The following RCAN2 variants were observed in gnomAD, a reference collection of about 807,000 sequenced individuals.
The protein encoded by RCAN2 is regulator of calcineurin 2, also known as calcipressin-2.
Under a neutral mutation model 23.6 loss-of-function variants are expected in RCAN2, and 9 were observed. The observed-to-expected ratio is 0.38, with a 90% CI of 0.23 to 0.67. RCAN2 has a LOEUF of 0.67. RCAN2 is among the 30% of genes least tolerant of loss of function. The probability of loss-of-function intolerance (pLI) is 0.51; values close to 1 mark genes in which losing one functional copy is unlikely to be tolerated. For synonymous variants in RCAN2, 109 were observed against 115.7 expected (o/e 0.94, Z 0.37); for missense variants, 273 against 302.3 (o/e 0.90, Z 0.72).
chr6:46,441,820 G>A (rs986506747), intron 2 of RCAN2, among the ~76,000 whole-genome samples: 17 of 152,126 alleles, frequency 1.1e-4, no homozygotes, highest in African/African-American at 3.6e-4. Flanking sequence ...GGGGCATATG[G>A]TTGAACACCA....
chr6:46,481,100 G>A (rs1483208264), intron 1 of RCAN2, among the ~76,000 whole-genome samples: 1 of 152,198 alleles, frequency 6.6e-6, no homozygotes, highest in Non-Finnish European at 1.5e-5. Flanking sequence ...GAGTGTAGCA[G>A]GGGCCATGGC....
In RCAN2 at chr6:46,359,798, T is replaced by C. The variant is rs369587623; in HGVS notation, c.225+96954A>G. On this transcript the variant is annotated intron_variant, in intron 2 of 4. Transcript: ENST00000371374. ...CAATGAATATATCCTGTTTGTGTGATCATATCTCGTTTAATTTTCACCAAA... is the reference window on the plus strand; with the variant it reads ...CAATGAATATATCCTGTTTGTGTGACCATATCTCGTTTAATTTTCACCAAA... 7.2e-5 allele frequency among the ~76,000 whole-genome samples: 11 copies of C among 152,270 alleles called. No homozygotes were observed. In the East Asian group the frequency reaches 1.4e-3, roughly 19 times the overall value.
At chr6:46,358,661 G>A (rs1561873540) in intron 2 of RCAN2, among the ~76,000 whole-genome samples, 1 of 152,186 alleles carries the variant, frequency 6.6e-6, no homozygotes, top group Non-Finnish European at 1.5e-5. Flanking sequence ...GGCCCCATGA[G>A]ATTTAGTTTC....
At chr6:46,341,737 G>A (rs572340671) in intron 2 of RCAN2, among the ~76,000 whole-genome samples, 124 of 152,348 alleles carry the variant, frequency 8.1e-4, no homozygotes, top group African/African-American at 2.0e-3. Context: ...GGTGGAGGTT[G>A]CAGTGAGCTG....
Position 46,450,997 on chromosome 6 carries a change from G to A in RCAN2, c.225+5755C>T, listed in dbSNP as rs541390393. Among the ~76,000 whole-genome samples the A allele has an allele frequency of 3.6e-4, 54 of 151,976 alleles. No individual in the cohort carries two copies. The Middle Eastern group carries it at 0.01, about 29-fold the overall frequency. ...GCTCAAATTAGTCATTACATAATGC[G>A]TACATATTTCAATACATCATATTGT... On this transcript the variant is annotated intron_variant, in intron 2 of 4. Coordinates refer to ENST00000371374, the MANE Select transcript of RCAN2 (RefSeq NM_001251974.2).
intron 2 of RCAN2, among the ~76,000 whole-genome samples, chr6:46,345,346 A>G (rs1040261086): frequency 3.3e-5 from 5 of 152,146 alleles, no homozygotes; most frequent in African/African-American, 1.2e-4. Flanking sequence ...GAAAAAAAAT[A>G]AAAATCAGAA....
At chr6:46,281,902 T>C (rs1762193355) in intron 2 of RCAN2, among the ~76,000 whole-genome samples, 1 of 152,160 alleles carries the variant, frequency 6.6e-6, no homozygotes, top group African/African-American at 2.4e-5. Flanking sequence ...ACACAGTTAA[T>C]AAGTAGCAGT....
intron 2 of RCAN2, among the ~76,000 whole-genome samples, chr6:46,289,207 G>A (rs879889408): frequency 6.6e-6 from 1 of 152,134 alleles, no homozygotes; most frequent in Non-Finnish European, 1.5e-5. Flanking sequence ...TTCATCACTT[G>A]TCTAGTGGAG....
intron 2 of RCAN2, among the ~76,000 whole-genome samples, chr6:46,335,603 A>G (rs11758843): frequency 0.42 from 64,348 of 152,028 alleles, 15,021 homozygotes; most frequent in East Asian, 0.6. Context: ...GGCAGGCATC[A>G]TCCTAAACCT....
intron 2 of RCAN2, among the ~76,000 whole-genome samples, chr6:46,407,890 AT>A (rs1035704408): frequency 1.3e-5 from 2 of 152,224 alleles, no homozygotes; most frequent in African/African-American, 4.8e-5. Flanking sequence ...CTACGTAAAA[AT>A]TAAAAACTTG....
intron 2 of RCAN2, among the ~76,000 whole-genome samples, chr6:46,319,587 A>G (rs1763544044): frequency 6.6e-6 from 1 of 152,196 alleles, no homozygotes; most frequent in Non-Finnish European, 1.5e-5. Flanking sequence ...GGTGGCTGAG[A>G]AATCTGCCTC....
At chr6:46,285,659 C>CT (rs1190621174) in intron 2 of RCAN2, among the ~76,000 whole-genome samples, 1 of 152,040 alleles carries the variant, frequency 6.6e-6, no homozygotes, top group Non-Finnish European at 1.5e-5. Context: ...TCCTTTATTT[C>CT]TTTTTTTGGT....
intron 2 of RCAN2, among the ~76,000 whole-genome samples, chr6:46,255,645 G>A (rs1000331326): frequency 6.6e-6 from 1 of 151,964 alleles, no homozygotes; most frequent in Non-Finnish European, 1.5e-5. Flanking sequence ...CGAGGTAAGA[G>A]GATTGCACGG....
intron 2 of RCAN2, among the ~76,000 whole-genome samples, chr6:46,423,186 T>C (rs1162385381): frequency 6.6e-6 from 1 of 152,172 alleles, no homozygotes; most frequent in Non-Finnish European, 1.5e-5. Context: ...TTTAGGTGAT[T>C]CCAAGAATCA....
chr6:46,325,172 C>A (rs1763751514), intron 2 of RCAN2, among the ~76,000 whole-genome samples: 2 of 152,156 alleles, frequency 1.3e-5, no homozygotes, highest in Admixed American at 1.3e-4. Flanking sequence ...ATAAAAAAGA[C>A]AAGAAGAAAC....
intron 4 of RCAN2, among the ~76,000 whole-genome samples, chr6:46,244,622 T>C (rs1472219615): frequency 6.6e-6 from 1 of 152,220 alleles, no homozygotes. Context: ...TGGGGTGTGA[T>C]GGTTAGAAAG....
intron 1 of RCAN2, among the ~76,000 whole-genome samples, chr6:46,464,622 GC>G (rs927332216): frequency 3.9e-5 from 6 of 152,170 alleles, no homozygotes; most frequent in African/African-American, 1.4e-4. Flanking sequence ...ACCCATTAGA[GC>G]TCTTTCTGAA....
rs577983667 is a variant in RCAN2 at position 46,376,573 on chromosome 6, G to A, written c.225+80179C>T. 3.3e-5 allele frequency among the ~76,000 whole-genome samples: 5 copies of A among 152,172 alleles called. No individual in the cohort carries two copies. The South Asian group carries it at 8.4e-4, about 25-fold the overall frequency. ...TGTGCACCTATAGTCCCAGCTACTC[G>A]GGAGGCTGAGGCAGAAGAATCGCTT... On this transcript the variant is annotated intron_variant, in intron 2 of 4. Transcript: ENST00000371374.
At chr6:46,274,659 G>A (rs868410984) in intron 2 of RCAN2, among the ~76,000 whole-genome samples, 1 of 152,194 alleles carries the variant, frequency 6.6e-6, no homozygotes, top group Non-Finnish European at 1.5e-5. Context: ...GAGTGACCAG[G>A]AAAGCAGCCA....
Sources: gnomAD v4.1 joint callset for allele counts (sites outside exome capture counted in the v4.1 genomes callset) on GRCh38, gnomAD v4.1.1 for gene constraint, MANE v1.5 for transcripts, NCBI Gene and HGNC (gene_info 2026-07-23, HGNC 2026-07-21) for gene names.